TOGARAM2: variants seen among roughly 807,000 people sequenced by gnomAD.
TOGARAM2 encodes TOG array regulator of axonemal microtubules 2, also known as TOG array regulator of axonemal microtubules protein 2.
TOGARAM2 carries 85 observed loss-of-function variants against 93.3 expected under a neutral mutation model. That is an observed-to-expected ratio of 0.91 (90% CI 0.76 to 1.09). The LOEUF (loss-of-function observed/expected upper bound fraction) is 1.09, where lower values mean the gene tolerates loss of function less well. Among genes scored for constraint, TOGARAM2 ranks in the 50% least tolerant of loss-of-function variants. TOGARAM2 has a pLI of 0.00. For missense variants in TOGARAM2, 1,277 were observed against 1,334.5 expected (o/e 0.96, Z 0.67); for synonymous variants, 593 against 552.8 (o/e 1.07, Z -1.02).
intron 1 of TOGARAM2, among the ~76,000 whole-genome samples, chr2:28,985,902 G>A (rs534422210): frequency 7.9e-5 from 12 of 152,162 alleles, no homozygotes; most frequent in African/African-American, 1.9e-4. Flanking sequence ...TCAGGAGTTC[G>A]AGACCAGCCT....
chr2:29,003,697 T>G lies in TOGARAM2; in HGVS notation c.830+15T>G. ...CCACGCACGCGGTAAGAGCTCCAAGTCAAACCTTCCTTGCTGACTTCTCTC... is the reference window on the plus strand; with the variant it reads ...CCACGCACGCGGTAAGAGCTCCAAGGCAAACCTTCCTTGCTGACTTCTCTC... On this transcript the variant is annotated intron_variant, in intron 6 of 19. Coordinates refer to ENST00000379558, the MANE Select transcript of TOGARAM2 (RefSeq NM_199280.4). 6.7e-7 allele frequency: 1 copy of G among 1,488,898 alleles called. No homozygotes were observed. The highest frequency in any genetic ancestry group is 9.0e-7 in the Non-Finnish European group (1 of 1,117,306). 92.2% of individuals were successfully genotyped at this position (1,488,898 alleles called of 1,614,324 possible).
At chr2:29,035,799 G>A (rs1023074141) in intron 17 of TOGARAM2, 143 bp downstream of exon 17, 9 of 790,112 alleles carry the variant, frequency 1.1e-5, no homozygotes, top group Non-Finnish European at 1.6e-5. Flanking sequence ...CTACCTGGAA[G>A]TGGCTGAGTG....
intron 13 of TOGARAM2, among the ~76,000 whole-genome samples, chr2:29,025,886 G>A (rs1269673424): frequency 4.6e-5 from 7 of 152,238 alleles, no homozygotes; most frequent in African/African-American, 1.7e-4. Flanking sequence ...CACCAGGGAT[G>A]TGTCAGGCAC....
In TOGARAM2 at chr2:28,988,221, G is replaced by A. The variant is rs140009711; in HGVS notation, c.-110-6504G>A. On this transcript the variant is annotated intron_variant, in intron 1 of 19. Transcript: ENST00000379558. Reference sequence around the variant, plus strand: ...AGAAGCCCTCCTAATAAAGATGGAGGCATCTGGGAGAGGAAAGGAAAGGAA... The same window carrying A: ...AGAAGCCCTCCTAATAAAGATGGAGACATCTGGGAGAGGAAAGGAAAGGAA... 1.3e-3 allele frequency among the ~76,000 whole-genome samples: 197 copies of A among 152,262 alleles called. 2 individuals carry two copies. The highest frequency in any genetic ancestry group is 4.7e-3 in the African/African-American group (195 of 41,548).
chr2:29,033,397 TC>T (rs771346357), intron 15 of TOGARAM2, 71 bp from the exon 16 acceptor site: 6 of 1,351,286 alleles, frequency 4.4e-6, no homozygotes, highest in Non-Finnish European at 6.2e-6. Context: ...TTGTTATGTC[TC>T]CACTGGAATG....
intron 1 of TOGARAM2, among the ~76,000 whole-genome samples, chr2:28,968,493 C>G (rs1023342648): frequency 8.6e-5 from 13 of 151,952 alleles, no homozygotes; most frequent in South Asian, 2.1e-4. Flanking sequence ...GCAATGAGGC[C>G]ATCTTGGTCC....
At chr2:28,986,928 CAG>C (rs1278859406) in intron 1 of TOGARAM2, among the ~76,000 whole-genome samples, 1 of 152,172 alleles carries the variant, frequency 6.6e-6, no homozygotes, top group Admixed American at 6.5e-5. Context: ...AATGGAGACT[CAG>C]AGAACTTTAA....
chr2:29,045,519 C>A (rs770076400), intron 19 of TOGARAM2, 109 bp downstream of exon 19: 9 of 928,474 alleles, frequency 9.7e-6, no homozygotes, highest in East Asian at 7.5e-5. Context: ...ATAATCCCCC[C>A]CAATCATTTA....
At chr2:28,971,572 T>C (rs1390536809) in intron 1 of TOGARAM2, among the ~76,000 whole-genome samples, 1 of 152,022 alleles carries the variant, frequency 6.6e-6, no homozygotes, top group Non-Finnish European at 1.5e-5. Context: ...CTCAATCAGG[T>C]TTTTTGAGGT....
At position 29,036,723 on chromosome 2, in the gene TOGARAM2, C is replaced by G; in HGVS notation, c.2601C>G (p.Ala867=). 2 of 1,613,860 alleles carry G rather than the reference C, an allele frequency of 1.2e-6. No individual in the cohort carries two copies. The highest frequency in any genetic ancestry group is 2.7e-5 in the African/African-American group (2 of 75,036). The change falls in exon 18 of 20, where the codon GCC becomes GCG. Residue 867 remains alanine (A), a synonymous_variant. Transcript: ENST00000379558. ...AGAACTCAGGGATTTACGCTGCTGCCGTGGCTGTGCTGGATGCGATGGTTG... is the reference window on the plus strand; with the variant it reads ...AGAACTCAGGGATTTACGCTGCTGCGGTGGCTGTGCTGGATGCGATGGTTG... The part of the protein sequence containing the change: ...NSKNSGIYAA[A]VAVLDAMVES...
At chr2:28,985,791 G>A (rs1001376594) in intron 1 of TOGARAM2, among the ~76,000 whole-genome samples, 2 of 152,250 alleles carry the variant, frequency 1.3e-5, no homozygotes, top group Admixed American at 6.5e-5. Flanking sequence ...TACAGTCATC[G>A]TCTAAAACAA....
At chr2:29,033,265 C>G (rs1026356029) in intron 15 of TOGARAM2, among the ~76,000 whole-genome samples, 4 of 152,206 alleles carry the variant, frequency 2.6e-5, no homozygotes, top group Non-Finnish European at 5.9e-5. Context: ...TTGAGCCTCC[C>G]TGGGCCTCCA....
chr2:29,006,355 A>ATGT (rs1663852967), intron 6 of TOGARAM2, among the ~76,000 whole-genome samples: 1 of 112,988 alleles, frequency 8.9e-6, no homozygotes, highest in African/African-American at 4.3e-5. Flanking sequence ...TGTATGTGTG[A>ATGT]GTGCATGTGT....
intron 6 of TOGARAM2, among the ~76,000 whole-genome samples, chr2:29,005,207 GT>G (rs1275303333): frequency 1.7e-5 from 1 of 57,802 alleles, no homozygotes; most frequent in South Asian, 5.4e-4. Context: ...GTGCATGTGT[GT>G]GGGTATGTGT....
chr2:29,026,791 C>T (rs1465537542), intron 13 of TOGARAM2, 62 bp from the exon 14 acceptor site: 11 of 1,429,558 alleles, frequency 7.7e-6, no homozygotes, highest in African/African-American at 2.9e-5. Flanking sequence ...CCATGTTTGC[C>T]AGCCTGGGGA....
At chr2:29,013,124 C>A (rs1271439915) in intron 7 of TOGARAM2, among the ~76,000 whole-genome samples, 1 of 152,222 alleles carries the variant, frequency 6.6e-6, no homozygotes, top group East Asian at 1.9e-4. Context: ...ACAGTGAGCT[C>A]CAAACCCTGT....
At chr2:28,978,381 CTA>C (rs1672067678), upstream of TOGARAM2, among the ~76,000 whole-genome samples, 1 of 152,116 alleles carries the variant, frequency 6.6e-6, no homozygotes, top group South Asian at 2.1e-4. Context: ...GTTCAGGAGA[CTA>C]TTTGGATATA....
At position 29,017,082 on chromosome 2, in the gene TOGARAM2, C is replaced by T. The variant is rs1664621271; in HGVS notation, c.1045-72C>T. 7.7e-6 allele frequency: 12 copies of T among 1,558,076 alleles called. No individual in the cohort carries two copies. The South Asian group carries it at 1.3e-4, about 17-fold the overall frequency. On this transcript the variant is annotated intron_variant, in intron 8 of 19. Coordinates refer to ENST00000379558, the MANE Select transcript of TOGARAM2 (RefSeq NM_199280.4). ...GACAGCAATTGGCACACAGTAGAAACATTTTTGATGATTGAATGTTGATGA... is the reference window on the plus strand; with the variant it reads ...GACAGCAATTGGCACACAGTAGAAATATTTTTGATGATTGAATGTTGATGA...
chr2:29,036,696 C>T lies in TOGARAM2; in HGVS notation c.2574C>T (p.Ser858=), dbSNP rs150963305. Reference sequence around the variant, plus strand: ...TCACTGTTGCAGACAACCTCAACTCCAAGAACTCAGGGATTTACGCTGCTG... The same window carrying T: ...TCACTGTTGCAGACAACCTCAACTCTAAGAACTCAGGGATTTACGCTGCTG... The part of the protein sequence containing the change: ...IIITVADNLN[S]KNSGIYAAAV... The change falls in exon 18 of 20, where the codon TCC becomes TCT. Residue 858 remains serine, a synonymous_variant. Coordinates refer to ENST00000379558, the MANE Select transcript of TOGARAM2 (RefSeq NM_199280.4). 2.4e-5 allele frequency: 38 copies of T among 1,613,876 alleles called. No homozygotes were observed. Among genetic ancestry groups the T allele is most frequent in the Non-Finnish European group, 3.0e-5 (35 of 1,179,898 alleles).
Sources: allele counts gnomAD v4.1 joint callset (sites outside exome capture counted in the v4.1 genomes callset), GRCh38; gene constraint gnomAD v4.1.1; transcripts MANE v1.5; gene names NCBI Gene and HGNC (gene_info 2026-07-23, HGNC 2026-07-21).